The following SH3RF1 variants were observed in gnomAD, a reference collection of about 807,000 sequenced individuals.
SH3RF1 encodes E3 ubiquitin-protein ligase SH3RF1.
In SH3RF1, 32 loss-of-function variants were observed where a neutral mutation model predicts 74.0. The ratio of observed to expected loss-of-function variants is 0.43; its 90% CI spans 0.33 to 0.58. SH3RF1 has a LOEUF of 0.58. SH3RF1 is among the 20% of genes least tolerant of loss of function. SH3RF1 has a pLI of 0.05. For synonymous variants in SH3RF1, 396 were observed against 439.6 expected (o/e 0.90, Z 1.24); for missense variants, 954 against 1,130.9 (o/e 0.84, Z 2.24).
At chr4:169,143,437 T>C (rs1324499901) in intron 4 of SH3RF1, among the ~76,000 whole-genome samples, 1 of 152,182 alleles carries the variant, frequency 6.6e-6, no homozygotes, top group African/African-American at 2.4e-5. Context: ...AACAGCGACA[T>C]GTGCATTGGA....
intron 2 of SH3RF1, among the ~76,000 whole-genome samples, chr4:169,262,859 G>T (rs1043419796): frequency 6.6e-6 from 1 of 151,854 alleles, no homozygotes; most frequent in African/African-American, 2.4e-5. Context: ...TCTCATCTCC[G>T]AGTCTCACCA....
In SH3RF1 at chr4:169,130,137, C is replaced by A; in HGVS notation, c.1088G>T (p.Gly363Val). The A allele has an allele frequency of 6.3e-7, 1 of 1,588,996 alleles. No individual in the cohort carries two copies. The highest frequency in any genetic ancestry group is 8.5e-7 in the Non-Finnish European group (1 of 1,172,218). The stretch of plus-strand genomic sequence containing the variant: ...GCTTGGGGGCGGGGTCACAATTAAC[C>A]CGGTGGTACTTATATGAACCTGCCG... ...APSQVHISTT[G>V]LIVTPPPSSP... Residue 363 changes from glycine to valine, a missense_variant, in exon 6 of 12, where the codon GGG (glycine) becomes GTG (valine). Around this residue, in one of 3 missense-constraint regions of SH3RF1, gnomAD observed 854 missense variants for 962.5 expected, o/e 0.89. Coordinates refer to ENST00000284637, the MANE Select transcript of SH3RF1 (RefSeq NM_020870.4).
chr4:169,257,039 C>T (rs1364403087), intron 2 of SH3RF1, among the ~76,000 whole-genome samples: 4 of 152,178 alleles, frequency 2.6e-5, no homozygotes, highest in African/African-American at 9.7e-5. Flanking sequence ...CTCATGTAAT[C>T]CTCACAAACT....
At chr4:169,128,434 AAAAC>A (rs1199360216) in intron 6 of SH3RF1, among the ~76,000 whole-genome samples, 6 of 152,370 alleles carry the variant, frequency 3.9e-5, no homozygotes, top group South Asian at 2.1e-4. Context: ...AAACGAAAAT[AAAAC>A]AAACAAACAA....
intron 2 of SH3RF1, among the ~76,000 whole-genome samples, chr4:169,162,350 C>T (rs549545699): frequency 6.6e-6 from 1 of 152,178 alleles, no homozygotes; most frequent in East Asian, 1.9e-4. Flanking sequence ...ATGATTTGGC[C>T]ATCACTACTA....
chr4:169,260,769 G>T (rs1731264657), intron 2 of SH3RF1, among the ~76,000 whole-genome samples: 1 of 152,144 alleles, frequency 6.6e-6, no homozygotes, highest in Non-Finnish European at 1.5e-5. Context: ...GGGGATCAGG[G>T]TTGCCAAAGA....
chr4:169,142,147 G>A (rs1211720791), intron 4 of SH3RF1, among the ~76,000 whole-genome samples: 1 of 151,750 alleles, frequency 6.6e-6, no homozygotes, highest in Non-Finnish European at 1.5e-5. Context: ...GTAGAGATGG[G>A]GTTTCACCAT....
chr4:169,119,967 A>C (rs1182635062), intron 8 of SH3RF1, among the ~76,000 whole-genome samples: 6 of 152,170 alleles, frequency 3.9e-5, no homozygotes. Flanking sequence ...CTTTACATAA[A>C]ATATATAAAA....
At chr4:169,117,906 T>A in intron 8 of SH3RF1, 124 bp from the exon 9 acceptor site, 1 of 1,198,052 alleles carries the variant, frequency 8.3e-7, no homozygotes, top group Non-Finnish European at 1.1e-6. Context: ...TGAATGGAAT[T>A]ATTTTTATAA....
At chr4:169,109,351 TAAG>T (rs1263924506) in intron 10 of SH3RF1, among the ~76,000 whole-genome samples, 1 of 152,182 alleles carries the variant, frequency 6.6e-6, no homozygotes, top group Non-Finnish European at 1.5e-5. Flanking sequence ...CTAAAGTGAT[TAAG>T]AAGAAAGATG....
At chr4:169,219,188 A>C (rs929324541) in intron 2 of SH3RF1, among the ~76,000 whole-genome samples, 7 of 152,304 alleles carry the variant, frequency 4.6e-5, no homozygotes, top group South Asian at 2.1e-4. Flanking sequence ...ACCTTTACAG[A>C]AGACAGAGAA....
At chr4:169,240,615 T>C (rs1730893129) in intron 2 of SH3RF1, among the ~76,000 whole-genome samples, 1 of 152,248 alleles carries the variant, frequency 6.6e-6, no homozygotes, top group African/African-American at 2.4e-5. Flanking sequence ...TTGTATCTAT[T>C]TGCAGTGTAC....
rs1486484748 is a variant in SH3RF1, at chr4:169,117,706, T to G, written c.1594A>C (p.Ser532Arg). 6.2e-7 allele frequency: 1 copy of G among 1,614,106 alleles called. No individual in the cohort carries two copies. Among genetic ancestry groups the G allele is most frequent in the Non-Finnish European group, 8.5e-7 (1 of 1,180,044 alleles). Residue 532 changes from serine (S) to arginine (R), a missense_variant, in exon 9 of 12, where the codon AGT (serine) becomes CGT (arginine). Coordinates refer to ENST00000284637, the MANE Select transcript of SH3RF1 (RefSeq NM_020870.4). ...GQTSRGVTMVSPSTAGGPAQK... is the reference protein window; with the variant it reads ...GQTSRGVTMVRPSTAGGPAQK... ...GCAGGCCCTCCTGCCGTGGAAGGAC[T>G]GACCATGGTCACTCCCCGACTTGTC...
At chr4:169,219,016 C>T (rs548357455) in intron 2 of SH3RF1, among the ~76,000 whole-genome samples, 14 of 152,262 alleles carry the variant, frequency 9.2e-5, no homozygotes, top group African/African-American at 2.9e-4. Flanking sequence ...CCTCCAAATA[C>T]AACTTCCCAA....
intron 2 of SH3RF1, among the ~76,000 whole-genome samples, chr4:169,240,815 T>C (rs1730895596): frequency 6.6e-6 from 1 of 152,192 alleles, no homozygotes; most frequent in Non-Finnish European, 1.5e-5. Flanking sequence ...ACCATACTTA[T>C]ACCGCTTGTA....
At chr4:169,250,934 C>T (rs1057377257) in intron 2 of SH3RF1, among the ~76,000 whole-genome samples, 3 of 152,070 alleles carry the variant, frequency 2.0e-5, no homozygotes, top group Non-Finnish European at 4.4e-5. Context: ...TCCTTCCAGG[C>T]AGGGCAAAGA....
chr4:169,270,082 G>A (rs1184639256), intron 1 of SH3RF1: 2 of 152,228 alleles, frequency 1.3e-5, no homozygotes, highest in Non-Finnish European at 2.9e-5. Context: ...GGCCATTCAG[G>A]AAAAAGCAAG....
rs151090575 is a variant in SH3RF1 at position 169,130,121 on chromosome 4, C to T, written c.1104G>A (p.Pro368=). ...CAGTTGTCACTGGGCTGCTTGGGGG[C>T]GGGGTCACAATTAACCCGGTGGTAC... is the stretch of plus-strand genomic sequence containing the variant. ...HISTTGLIVT[P]PPSSPVTTGP... is the part of the protein sequence containing the mutation. Residue 368 remains proline (P), a synonymous_variant, in exon 6 of 12, where the codon CCG becomes CCA. Transcript: ENST00000284637. The T allele has an allele frequency of 9.0e-4, 1,446 of 1,603,932 alleles. 3 individuals carry two copies. The highest frequency in any genetic ancestry group is 3.7e-3 in the Middle Eastern group (22 of 5,998).
At chr4:169,126,541 T>G (rs759888466) in intron 6 of SH3RF1, among the ~76,000 whole-genome samples, 2 of 152,210 alleles carry the variant, frequency 1.3e-5, no homozygotes, top group Non-Finnish European at 2.9e-5. Context: ...CATTCAACTT[T>G]GTTTAAATAC....
Sources: allele counts gnomAD v4.1 joint callset (sites outside exome capture counted in the v4.1 genomes callset), GRCh38; gene constraint gnomAD v4.1.1; regional missense constraint gnomAD v4.1.1; transcripts MANE v1.5; gene names NCBI Gene and HGNC (gene_info 2026-07-23, HGNC 2026-07-21).